ANKRD30A: variants seen among roughly 807,000 people sequenced by gnomAD.
ANKRD30A encodes the protein ankyrin repeat domain-containing protein 30A.
A neutral mutation model predicts 166.3 loss-of-function variants in ANKRD30A; 170 were observed. The observed-to-expected ratio is 1.02, with a 90% CI of 0.90 to 1.16. The LOEUF is 1.16. Among genes scored for constraint, ANKRD30A ranks in the 50% most tolerant of loss-of-function variants. ANKRD30A has a pLI of 0.00. For missense variants in ANKRD30A, 1,630 were observed against 1,518.0 expected, an observed-to-expected ratio of 1.07 and a Z score of -1.23; for synonymous variants, 564 against 508.9, an observed-to-expected ratio of 1.11 and a Z score of -1.46.
chr10:37,200,970 G>A (rs374957466), intron 30 of ANKRD30A, among the ~76,000 whole-genome samples: 3 of 152,006 alleles, frequency 2.0e-5, no homozygotes, highest in African/African-American at 7.2e-5. Flanking sequence ...AAATATGCAC[G>A]ATTGAATTTT....
At chr10:37,164,694 G>C (rs1839168302) in intron 17 of ANKRD30A, among the ~76,000 whole-genome samples, 1 of 152,026 alleles carries the variant, frequency 6.6e-6, no homozygotes, top group Non-Finnish European at 1.5e-5. Context: ...GTGTAAGAGA[G>C]ATTGCTGAGT....
In ANKRD30A at chr10:37,133,951, CAG is replaced by C; in HGVS notation, c.657_658del (p.Glu219AspfsTer11). 6.2e-7 allele frequency: 1 copy of C among 1,614,034 alleles called. No individual in the cohort carries two copies. The highest frequency in any genetic ancestry group is 8.5e-7 in the Non-Finnish European group (1 of 1,179,968). ...ATGCTTGCTGTATGTCATGGATCAT[CAG>C]AGATAGTTGGCATGCTTCTTCAGCA... On this transcript the variant is annotated frameshift_variant, in exon 5 of 36. Transcript: ENST00000361713. LOFTEE classifies it high-confidence loss of function.
At chr10:37,258,586 T>C in the ANKRD30A span, among the ~76,000 whole-genome samples, 1 of 151,638 alleles carries the variant, frequency 6.6e-6, no homozygotes, top group East Asian at 1.9e-4. Flanking sequence ...ATTTGACCCC[T>C]ATCTTACATC....
At chr10:37,260,200 C>A in the ANKRD30A span, among the ~76,000 whole-genome samples, 1 of 151,900 alleles carries the variant, frequency 6.6e-6, no homozygotes, top group Non-Finnish European at 1.5e-5. Context: ...TAAAACCAAT[C>A]TTAAGGCCAG....
At chr10:37,155,654 C>T (rs1455679026) in intron 13 of ANKRD30A, among the ~76,000 whole-genome samples, 1 of 152,112 alleles carries the variant, frequency 6.6e-6, no homozygotes, top group East Asian at 1.9e-4. Context: ...TCAGTTTTCT[C>T]CTTATCAGTC....
In ANKRD30A at chr10:37,219,435, T is replaced by C. The variant is rs767225755; in HGVS notation, c.3723T>C (p.Ser1241=). The C allele has an allele frequency of 3.7e-6, 6 of 1,610,446 alleles. No homozygotes were observed. In the South Asian group the frequency reaches 4.4e-5, roughly 12 times the overall value. The part of the protein sequence containing the change: ...LQRKMNVDVS[S]TIYNNEVLHQ... ...GAAAAATGAATGTTGATGTGAGTAG[T>C]ACGATATATAACAATGAGGTGCTCC... Residue 1241 remains serine (S), a synonymous_variant, in exon 34 of 36, where the codon AGT becomes AGC. Coordinates refer to ENST00000361713, the MANE Select transcript of ANKRD30A (RefSeq NM_052997.3).
At chr10:37,197,539 G>C (rs1320317354) in intron 29 of ANKRD30A, 59 bp downstream of exon 29, 1 of 1,608,610 alleles carries the variant, frequency 6.2e-7, no homozygotes, top group Admixed American at 1.7e-5. Flanking sequence ...CATTTTGATG[G>C]TCTTTCTATC....
At chr10:37,262,182 C>T in the ANKRD30A span, among the ~76,000 whole-genome samples, 1 of 152,162 alleles carries the variant, frequency 6.6e-6, no homozygotes, top group Non-Finnish European at 1.5e-5. Flanking sequence ...TCACATCTAC[C>T]TGCAAAGGAG....
the ANKRD30A span, among the ~76,000 whole-genome samples, chr10:37,244,317 TGTTAGTCA>T: frequency 6.6e-6 from 1 of 152,088 alleles, no homozygotes; most frequent in Non-Finnish European, 1.5e-5. Context: ...ACACATCCAC[TGTTAGTCA>T]GACTGGCACC....
At chr10:37,204,842 G>T (rs951827867) in intron 31 of ANKRD30A, among the ~76,000 whole-genome samples, 13 of 152,182 alleles carry the variant, frequency 8.5e-5, no homozygotes, top group Non-Finnish European at 1.3e-4. Context: ...ACAGACACAT[G>T]AAAAAATCCT....
chr10:37,201,715 G>T (rs1202373360), intron 31 of ANKRD30A, among the ~76,000 whole-genome samples: 1 of 152,054 alleles, frequency 6.6e-6, no homozygotes, highest in African/African-American at 2.4e-5. Flanking sequence ...GGTGTGGTTA[G>T]AAATTTGGGA....
intron 31 of ANKRD30A, among the ~76,000 whole-genome samples, chr10:37,214,989 A>T (rs189471113): frequency 1.4e-3 from 219 of 151,588 alleles, no homozygotes; most frequent in African/African-American, 5.0e-3. Flanking sequence ...TCCTGATGGC[A>T]AATCAATCTA....
intron 12 of ANKRD30A, 93 bp from the exon 13 acceptor site, chr10:37,153,479 T>G (rs1379515508): frequency 1.3e-6 from 2 of 1,566,072 alleles, no homozygotes; most frequent in Non-Finnish European, 8.6e-7. Flanking sequence ...GAGGAAATTG[T>G]GTTTTTAAAA....
At chr10:37,166,428 G>C (rs1305497140) in intron 18 of ANKRD30A, among the ~76,000 whole-genome samples, 177 bp from the exon 19 acceptor site, 1 of 151,984 alleles carries the variant, frequency 6.6e-6, no homozygotes, top group South Asian at 2.1e-4. Flanking sequence ...TGTAGAGAGG[G>C]TTATGTGAGG....
At chr10:37,212,331 C>T (rs765521431) in intron 31 of ANKRD30A, among the ~76,000 whole-genome samples, 32 of 151,956 alleles carry the variant, frequency 2.1e-4, no homozygotes, top group Admixed American at 4.6e-4. Flanking sequence ...AGGACCTCTT[C>T]AAGGAGAACT....
the ANKRD30A span, among the ~76,000 whole-genome samples, chr10:37,252,927 A>G: frequency 6.6e-6 from 1 of 152,198 alleles, no homozygotes; most frequent in South Asian, 2.1e-4. Context: ...TTGTCCTTTT[A>G]GACAAATGCC....
chr10:37,164,513 T>A (rs1216735401), intron 17 of ANKRD30A, among the ~76,000 whole-genome samples: 4 of 152,084 alleles, frequency 2.6e-5, no homozygotes, highest in African/African-American at 9.7e-5. Context: ...TTATATGCAA[T>A]AAAATTTTTA....
chr10:37,126,399 G>A (rs1248058442), intron 1 of ANKRD30A, among the ~76,000 whole-genome samples: 1 of 152,160 alleles, frequency 6.6e-6, no homozygotes, highest in East Asian at 1.9e-4. Context: ...ATTATGAAAT[G>A]GTGCGTAATG....
At chr10:37,251,350 C>A in the ANKRD30A span, among the ~76,000 whole-genome samples, 11 of 151,992 alleles carry the variant, frequency 7.2e-5, no homozygotes, top group Admixed American at 7.2e-4. Context: ...AGAATTTATT[C>A]TCCTCCCTCC....
Sources: gnomAD v4.1 joint callset for allele counts (sites outside exome capture counted in the v4.1 genomes callset) on GRCh38, gnomAD v4.1.1 for gene constraint, MANE v1.5 for transcripts, NCBI Gene and HGNC (gene_info 2026-07-23, HGNC 2026-07-21) for gene names.